Variants in FSHR observed in about 807,000 individuals in gnomAD.
FSHR encodes the protein follicle-stimulating hormone receptor.
FSHR carries 46 observed loss-of-function variants against 52.1 expected under a neutral mutation model. The observed-to-expected ratio is 0.88, with a 90% CI of 0.70 to 1.13. The LOEUF (loss-of-function observed/expected upper bound fraction) is 1.13, where lower values mean the gene tolerates loss of function less well. Ranked by LOEUF, FSHR falls within the 50% of genes most tolerant of loss-of-function variation. The pLI is 0.00. For missense variants in FSHR, 964 were observed against 834.6 expected (o/e 1.16, Z -1.91); for synonymous variants, 399 against 309.6 (o/e 1.29, Z -3.03).
At chr2:48,987,737 T>G (rs1675575999) in intron 6 of FSHR, among the ~76,000 whole-genome samples, 1 of 152,002 alleles carries the variant, frequency 6.6e-6, no homozygotes, top group Admixed American at 6.6e-5. Flanking sequence ...TTAGAATGAT[T>G]GCTCTTTTTT....
chr2:48,973,696 G>T (rs1294991260), intron 8 of FSHR, among the ~76,000 whole-genome samples: 1 of 152,198 alleles, frequency 6.6e-6, no homozygotes, highest in East Asian at 1.9e-4. Flanking sequence ...ATTCTCAGCG[G>T]TGCCTTTCAT....
chr2:49,132,465 T>C (rs1457196067), intron 1 of FSHR, among the ~76,000 whole-genome samples: 3 of 152,216 alleles, frequency 2.0e-5, no homozygotes, highest in Admixed American at 6.6e-5. Flanking sequence ...CATGTCACAC[T>C]GTTTAAGAAA....
At chr2:48,988,032 T>C (rs1181162838) in intron 6 of FSHR, among the ~76,000 whole-genome samples, 1 of 152,238 alleles carries the variant, frequency 6.6e-6, no homozygotes, top group African/African-American at 2.4e-5. Context: ...TCAAACTTTT[T>C]CCATTGTTAT....
At chr2:49,101,520 T>C (rs1671025990) in intron 1 of FSHR, among the ~76,000 whole-genome samples, 1 of 152,054 alleles carries the variant, frequency 6.6e-6, no homozygotes. Flanking sequence ...AGAAAGATTA[T>C]GTCAAAGGGC....
At chr2:49,106,108 A>G (rs1459719079) in intron 1 of FSHR, among the ~76,000 whole-genome samples, 1 of 152,308 alleles carries the variant, frequency 6.6e-6, no homozygotes, top group East Asian at 1.9e-4. Flanking sequence ...TTCAAGTGCA[A>G]TGTCAGGAGT....
At chr2:49,146,870 G>T (rs1375934363) in intron 1 of FSHR, among the ~76,000 whole-genome samples, 1 of 151,934 alleles carries the variant, frequency 6.6e-6, no homozygotes, top group Non-Finnish European at 1.5e-5. Context: ...CATCAAGCTT[G>T]CCATTAGAAA....
At chr2:48,974,229 C>G (rs1278305909) in intron 8 of FSHR, among the ~76,000 whole-genome samples, 2 of 152,172 alleles carry the variant, frequency 1.3e-5, no homozygotes, top group Non-Finnish European at 2.9e-5. Flanking sequence ...GCAATGCCAA[C>G]AAGAAGACAG....
chr2:48,982,786 G>C, intron 8 of FSHR, 126 bp downstream of exon 8: 2 of 823,274 alleles, frequency 2.4e-6, no homozygotes, highest in Non-Finnish European at 4.2e-6. Flanking sequence ...TTTTGCAGAT[G>C]ACACGAATAA....
rs140672770 is a variant in FSHR, at chr2:48,981,633, A to G, written c.668+1279T>C. ...GGATGATAAATCTACCTTGAAGTGT[A>G]TATTTCTTCTTCAAAGCAGCAGAAT... On this transcript the variant is annotated intron_variant, in intron 8 of 9. Coordinates refer to ENST00000406846, the MANE Select transcript of FSHR (RefSeq NM_000145.4). Among the ~76,000 whole-genome samples the G allele has an allele frequency of 3.1e-3, 473 of 152,326 alleles. 6 individuals are homozygous for G. The highest frequency in any genetic ancestry group is 0.011 in the African/African-American group (458 of 41,564).
intron 1 of FSHR, among the ~76,000 whole-genome samples, chr2:49,126,144 T>C (rs540118047): frequency 6.6e-6 from 1 of 152,318 alleles, no homozygotes; most frequent in South Asian, 2.1e-4. Context: ...TGTGGTGTTA[T>C]AACAGAATAT....
chr2:49,000,149 G>T (rs993025921), intron 4 of FSHR, among the ~76,000 whole-genome samples: 5 of 152,054 alleles, frequency 3.3e-5, no homozygotes, highest in African/African-American at 1.2e-4. Flanking sequence ...CACCAAGTTT[G>T]CACATTTTAG....
chr2:49,080,980 T>TA (rs1670147217), intron 1 of FSHR, among the ~76,000 whole-genome samples: 1 of 152,166 alleles, frequency 6.6e-6, no homozygotes. Flanking sequence ...TAGCCAATCT[T>TA]AAGCTGTTTA....
intron 1 of FSHR, among the ~76,000 whole-genome samples, chr2:49,100,092 T>C (rs1400976031): frequency 6.6e-6 from 1 of 152,192 alleles, no homozygotes; most frequent in African/African-American, 2.4e-5. Flanking sequence ...TTAACTCATG[T>C]AATCTTCACA....
chr2:48,994,910 C>T (rs890997378), intron 4 of FSHR, among the ~76,000 whole-genome samples: 3 of 152,108 alleles, frequency 2.0e-5, no homozygotes, highest in Non-Finnish European at 4.4e-5. Flanking sequence ...CCTTAATCTT[C>T]AGGTTGTAAA....
intron 4 of FSHR, among the ~76,000 whole-genome samples, chr2:48,993,195 C>T (rs927119463): frequency 6.6e-6 from 1 of 152,058 alleles, no homozygotes; most frequent in East Asian, 1.9e-4. Context: ...TGTGTGACTC[C>T]TAGATTCATA....
intron 4 of FSHR, among the ~76,000 whole-genome samples, chr2:48,999,642 G>A (rs895735368): frequency 2.6e-5 from 4 of 151,978 alleles, no homozygotes; most frequent in African/African-American, 7.2e-5. Flanking sequence ...CTCTAGAAAC[G>A]GTATTTCCAG....
intron 1 of FSHR, among the ~76,000 whole-genome samples, chr2:49,123,779 G>C (rs1671902299): frequency 6.6e-6 from 1 of 152,086 alleles, no homozygotes; most frequent in African/African-American, 2.4e-5. Context: ...ACTGGGAGAG[G>C]ACAAAGCAAG....
intron 9 of FSHR, among the ~76,000 whole-genome samples, chr2:48,967,706 A>G (rs1261040439): frequency 6.6e-6 from 1 of 152,208 alleles, no homozygotes; most frequent in Non-Finnish European, 1.5e-5. Flanking sequence ...TCTGAAAAAC[A>G]TTTTAGGGTG....
intron 4 of FSHR, among the ~76,000 whole-genome samples, chr2:49,016,945 A>C (rs1411486500): frequency 1.3e-5 from 2 of 152,218 alleles, no homozygotes; most frequent in Non-Finnish European, 2.9e-5. Context: ...GCCCTCAGCT[A>C]ATCCGAAAGC....
Sources: gnomAD v4.1 joint callset for allele counts (sites outside exome capture counted in the v4.1 genomes callset) on GRCh38, gnomAD v4.1.1 for gene constraint, MANE v1.5 for transcripts, NCBI Gene and HGNC (gene_info 2026-07-23, HGNC 2026-07-21) for gene names.